WIPF1: variants seen among roughly 807,000 people sequenced by gnomAD.
The protein encoded by WIPF1 is WAS/WASL-interacting protein family member 1.
In WIPF1, 13 loss-of-function variants were observed where a neutral mutation model predicts 35.4. The ratio of observed to expected loss-of-function variants is 0.37; its 90% CI spans 0.24 to 0.58. The LOEUF is 0.58. WIPF1 is among the 20% of genes least tolerant of loss of function. The pLI is 0.74. For missense variants in WIPF1, 591 were observed against 667.0 expected (o/e 0.89, Z 1.25); for synonymous variants, 267 against 266.3 (o/e 1.00, Z -0.02).
Position 174,590,096 on chromosome 2 carries a change from A to T in WIPF1, c.-38-4485T>A, listed in dbSNP as rs558994703. ...TAAAATAAAAACAAATTAAAATTAA[A>T]TTTTTTAAAAAAAGGAGTCCTTTGG... On this transcript the variant is annotated intron_variant, in intron 1 of 7. Transcript: ENST00000679041. The surrounding 1 kb of genome is among the most constrained non-coding windows in gnomAD (Gnocchi z 4.6). Among the ~76,000 whole-genome samples the T allele has an allele frequency of 3.9e-5, 6 of 152,240 alleles. No individual in the cohort carries two copies. The highest frequency in any genetic ancestry group is 1.3e-4 in the Admixed American group (2 of 15,296).
At chr2:174,611,388 C>CAA (rs1559160781) in intron 1 of WIPF1, among the ~76,000 whole-genome samples, 1 of 151,098 alleles carries the variant, frequency 6.6e-6, no homozygotes, top group East Asian at 1.9e-4. Flanking sequence ...AACAAACAAA[C>CAA]AAAAAAACTT....
chr2:174,616,613 T>C (rs141530903), intron 1 of WIPF1, among the ~76,000 whole-genome samples: 3 of 152,312 alleles, frequency 2.0e-5, no homozygotes, highest in Admixed American at 6.5e-5. Flanking sequence ...ATGACCAACA[T>C]TGAATTTTCC....
chr2:174,667,425 G>A (rs962328242), intron 1 of WIPF1, among the ~76,000 whole-genome samples: 2 of 152,010 alleles, frequency 1.3e-5, no homozygotes, highest in Admixed American at 6.6e-5. Flanking sequence ...CCCCGTCCCT[G>A]GGCTGTTTTG....
intron 2 of WIPF1, among the ~76,000 whole-genome samples, chr2:174,583,233 G>A (rs181159090): frequency 6.6e-6 from 1 of 152,336 alleles, no homozygotes; most frequent in East Asian, 1.9e-4. Context: ...CTATTGTTCT[G>A]CAACTTGTTT....
At chr2:174,678,369 CT>C (rs1170116651) in intron 1 of WIPF1, among the ~76,000 whole-genome samples, 3 of 152,182 alleles carry the variant, frequency 2.0e-5, no homozygotes, top group Non-Finnish European at 4.4e-5. Flanking sequence ...ATTGTATCTC[CT>C]GTTTAGCTAC....
chr2:174,571,343 T>G lies in WIPF1; in HGVS notation c.1129+333A>C. 1 of 479,964 alleles carries G rather than the reference T, an allele frequency of 2.1e-6. No individual in the cohort carries two copies. Among genetic ancestry groups the G allele is most frequent in the Non-Finnish European group, 3.6e-6 (1 of 275,466 alleles). The allele number at this position is 479,964 out of a possible 1,614,324, so 29.7% of individuals were successfully genotyped here. A position where few individuals can be genotyped will look rare whatever the true frequency, so the allele number is the denominator to read the frequency against. Reference sequence around the variant, plus strand: ...TTTTCCCAATTAAGACCGCCGAAATTCTCTCTAGGGAGGCAGGGTAGTGGA... The same window carrying G: ...TTTTCCCAATTAAGACCGCCGAAATGCTCTCTAGGGAGGCAGGGTAGTGGA... On this transcript the variant is annotated intron_variant, in intron 5 of 7. Transcript: ENST00000679041. This position sits in a 1 kb window ranked among gnomAD's most constrained non-coding sequence, Gnocchi z 4.6.
chr2:174,653,935 C>T (rs1452703329), intron 1 of WIPF1, among the ~76,000 whole-genome samples: 1 of 152,100 alleles, frequency 6.6e-6, no homozygotes, highest in Non-Finnish European at 1.5e-5. Flanking sequence ...AAGCACAAGT[C>T]ATGGACTGTG....
rs2105807046 is a variant in WIPF1 at position 174,572,137 on chromosome 2, G to C, written c.668C>G (p.Pro223Arg). ...TCCCAAAGCAGTGCCGCGGTTTCCA[G>C]GGAAAGGGGGAGGAGTGGGCCCGGG... ...PSPGPTPPPF[P>R]GNRGTALGGG... The change falls in exon 5 of 8, where the codon CCT becomes CGT. Residue 223 changes from proline to arginine, a missense_variant. Transcript: ENST00000679041. The C allele has an allele frequency of 6.2e-7, 1 of 1,611,770 alleles. No homozygotes were observed. Among genetic ancestry groups the C allele is most frequent in the Non-Finnish European group, 8.5e-7 (1 of 1,178,964 alleles).
chr2:174,639,492 C>CATCT (rs1235047360), intron 1 of WIPF1, among the ~76,000 whole-genome samples: 1 of 152,144 alleles, frequency 6.6e-6, no homozygotes, highest in Non-Finnish European at 1.5e-5. Context: ...GGGCTCCTCC[C>CATCT]ATCTCATCCT....
At chr2:174,682,125 C>G (rs75436841) in intron 1 of WIPF1, among the ~76,000 whole-genome samples, 3 of 152,236 alleles carry the variant, frequency 2.0e-5, no homozygotes, top group Non-Finnish European at 4.4e-5. Flanking sequence ...GATCACCCCC[C>G]CTCAACCCCC....
intron 1 of WIPF1, among the ~76,000 whole-genome samples, chr2:174,654,787 A>G (rs1402470281): frequency 3.9e-5 from 6 of 152,146 alleles, no homozygotes; most frequent in Non-Finnish European, 7.4e-5. Context: ...GCTCTCTGCA[A>G]CCCACCAACC....
intron 1 of WIPF1, among the ~76,000 whole-genome samples, chr2:174,675,756 G>A (rs923047721): frequency 4.0e-5 from 6 of 151,482 alleles, no homozygotes; most frequent in African/African-American, 1.2e-4. Context: ...CTGGACTTGT[G>A]GTTAACAAAA....
At chr2:174,680,194 C>A (rs1017839414) in intron 1 of WIPF1, among the ~76,000 whole-genome samples, 1 of 152,224 alleles carries the variant, frequency 6.6e-6, no homozygotes, top group African/African-American at 2.4e-5. Context: ...GACTTCATCT[C>A]TTTCTGAGCT....
At chr2:174,617,301 G>A (rs1686535660) in intron 1 of WIPF1, among the ~76,000 whole-genome samples, 1 of 152,034 alleles carries the variant, frequency 6.6e-6, no homozygotes, top group South Asian at 2.1e-4. Context: ...GGGCTGCTCT[G>A]GAAAAACACA....
chr2:174,602,805 T>C (rs1186315319), intron 1 of WIPF1, among the ~76,000 whole-genome samples: 1 of 152,176 alleles, frequency 6.6e-6, no homozygotes, highest in Non-Finnish European at 1.5e-5. Context: ...AAGTCTGCAG[T>C]GTATTCTGTT....
At chr2:174,614,720 A>C (rs1484493566) in intron 1 of WIPF1, among the ~76,000 whole-genome samples, 1 of 152,252 alleles carries the variant, frequency 6.6e-6, no homozygotes, top group Non-Finnish European at 1.5e-5. Context: ...CTTATTTTCC[A>C]AAGTACAAAG....
At chr2:174,611,002 T>C (rs2105898852) in intron 1 of WIPF1, among the ~76,000 whole-genome samples, 1 of 152,346 alleles carries the variant, frequency 6.6e-6, no homozygotes, top group Admixed American at 6.5e-5. Flanking sequence ...GTGTCTCTAA[T>C]GCCACTGTTA....
At chr2:174,666,995 T>G (rs566285471) in intron 1 of WIPF1, among the ~76,000 whole-genome samples, 1 of 152,366 alleles carries the variant, frequency 6.6e-6, no homozygotes, top group South Asian at 2.1e-4. Flanking sequence ...AAGGGCCCCA[T>G]GGGCTTGGAG....
chr2:174,606,423 G>A (rs1355848530), intron 1 of WIPF1, among the ~76,000 whole-genome samples: 1 of 152,144 alleles, frequency 6.6e-6, no homozygotes, highest in Non-Finnish European at 1.5e-5. Flanking sequence ...TTCAGAAACT[G>A]GTGTTTACTT....
Sources: allele counts gnomAD v4.1 joint callset (sites outside exome capture counted in the v4.1 genomes callset), GRCh38; gene constraint gnomAD v4.1.1; non-coding constraint Gnocchi (gnomAD v3.1); transcripts MANE v1.5; gene names NCBI Gene and HGNC (gene_info 2026-07-23, HGNC 2026-07-21).